PCDH15: variants seen among roughly 807,000 people sequenced by gnomAD.
The protein encoded by PCDH15 is protocadherin-15.
In PCDH15, 129 loss-of-function variants were observed where a neutral mutation model predicts 178.5. The ratio of observed to expected loss-of-function variants is 0.72; its 90% CI spans 0.63 to 0.84. The LOEUF is 0.84. PCDH15 is among the 40% of genes least tolerant of loss of function. PCDH15 has a pLI of 0.00. For synonymous variants in PCDH15, 800 were observed against 732.0 expected (o/e 1.09, Z -1.50); for missense variants, 2,230 against 2,099.9 (o/e 1.06, Z -1.21).
chr10:53,968,182 A>T (rs1251905721), intron 21 of PCDH15, among the ~76,000 whole-genome samples: 2 of 152,198 alleles, frequency 1.3e-5, no homozygotes, highest in African/African-American at 4.8e-5. Context: ...CAGTCTTAGC[A>T]AACGGCCCAC....
intron 2 of PCDH15, among the ~76,000 whole-genome samples, chr10:55,383,637 T>A (rs1837588504): frequency 6.6e-6 from 1 of 152,198 alleles, no homozygotes; most frequent in Non-Finnish European, 1.5e-5. Flanking sequence ...CATGTTGTCA[T>A]TGGCTCTGAA....
chr10:54,862,096 C>T (rs1179639326), intron 3 of PCDH15, among the ~76,000 whole-genome samples: 1 of 152,098 alleles, frequency 6.6e-6, no homozygotes, highest in African/African-American at 2.4e-5. Flanking sequence ...ATAATAATTA[C>T]ATCATAGTTA....
chr10:53,961,923 T>C (rs1307291752), intron 21 of PCDH15, 31 bp from the exon 22 acceptor site: 36 of 1,564,168 alleles, frequency 2.3e-5, no homozygotes, highest in Non-Finnish European at 3.2e-5. Context: ...ATTAATTTGC[T>C]GTTACCAAGT....
At chr10:55,336,712 A>T (rs1844406253) in intron 2 of PCDH15, among the ~76,000 whole-genome samples, 1 of 152,068 alleles carries the variant, frequency 6.6e-6, no homozygotes, top group African/African-American at 2.4e-5. Context: ...CCCATTTATT[A>T]CTATTAGATC....
intron 1 of PCDH15, among the ~76,000 whole-genome samples, chr10:54,746,250 T>A (rs1036286697): frequency 6.6e-6 from 1 of 152,106 alleles, no homozygotes; most frequent in African/African-American, 2.4e-5. Flanking sequence ...GCCAAAAATG[T>A]TTCTAAGCAC....
chr10:54,734,989 A>G (rs1008635274), intron 1 of PCDH15, among the ~76,000 whole-genome samples: 5 of 151,988 alleles, frequency 3.3e-5, no homozygotes, highest in African/African-American at 9.7e-5. Flanking sequence ...TTCATACCCT[A>G]AAGTGTGAAT....
intron 13 of PCDH15, 61 bp downstream of exon 13, chr10:54,183,383 T>C (rs2048184510): frequency 7.0e-7 from 1 of 1,430,592 alleles, no homozygotes; most frequent in South Asian, 1.1e-5. Flanking sequence ...CATGAGCATA[T>C]CGTATAATGC....
chr10:54,317,554 C>A, intron 7 of PCDH15, 113 bp from the exon 8 acceptor site: 8 of 1,185,260 alleles, frequency 6.7e-6, no homozygotes, highest in Non-Finnish European at 1.0e-5. Flanking sequence ...GTGGGTGGAT[C>A]ACTTGAGGTC....
At chr10:54,483,550 T>C (rs1367105140) in intron 3 of PCDH15, among the ~76,000 whole-genome samples, 1 of 151,802 alleles carries the variant, frequency 6.6e-6, no homozygotes, top group East Asian at 1.9e-4. Flanking sequence ...AGTGAGGTCA[T>C]AGTGTAATGG....
At chr10:55,369,240 C>T (rs1007776164) in intron 2 of PCDH15, among the ~76,000 whole-genome samples, 5 of 151,926 alleles carry the variant, frequency 3.3e-5, no homozygotes, top group Non-Finnish European at 7.4e-5. Flanking sequence ...TCAGCTAAAA[C>T]ATAAAATTGT....
intron 2 of PCDH15, among the ~76,000 whole-genome samples, chr10:55,336,124 GAAAAAAAAAAAAAA>G (rs748988261): frequency 2.0e-4 from 12 of 59,292 alleles, no homozygotes; most frequent in Non-Finnish European, 2.5e-4. Flanking sequence ...CTTGGTATTT[GAAAAAAAAAAAAAA>G]AAAAAAAAAA....
intron 2 of PCDH15, among the ~76,000 whole-genome samples, chr10:55,483,832 A>G (rs1840238121): frequency 6.7e-6 from 1 of 150,054 alleles, no homozygotes; most frequent in Non-Finnish European, 1.5e-5. Flanking sequence ...AAAAAAAAAA[A>G]GACACATGGA....
intron 2 of PCDH15, among the ~76,000 whole-genome samples, chr10:55,443,167 G>A (rs1187545523): frequency 6.6e-6 from 1 of 151,978 alleles, no homozygotes; most frequent in Non-Finnish European, 1.5e-5. Flanking sequence ...TTAAACATAA[G>A]ACCTAAAACC....
intron 2 of PCDH15, among the ~76,000 whole-genome samples, chr10:55,141,741 A>C (rs1838358323): frequency 6.6e-6 from 1 of 152,122 alleles, no homozygotes. Flanking sequence ...ACATTAAAGG[A>C]AAAGACAGAT....
chr10:55,523,051 A>T (rs1841221177), intron 2 of PCDH15, among the ~76,000 whole-genome samples: 1 of 151,722 alleles, frequency 6.6e-6, no homozygotes, highest in South Asian at 2.1e-4. Context: ...ACTGATAACA[A>T]CTTCAACTTT....
At chr10:55,046,327 C>T (rs1841004913) in intron 2 of PCDH15, among the ~76,000 whole-genome samples, 1 of 151,896 alleles carries the variant, frequency 6.6e-6, no homozygotes, top group Non-Finnish European at 1.5e-5. Flanking sequence ...ACAGATATTT[C>T]ACAAATCCCA....
chr10:54,722,897 A>G (rs1941874025), intron 1 of PCDH15, among the ~76,000 whole-genome samples: 1 of 151,838 alleles, frequency 6.6e-6, no homozygotes, highest in Non-Finnish European at 1.5e-5. Context: ...ATTATACATG[A>G]CAAAAACAAA....
intron 26 of PCDH15, among the ~76,000 whole-genome samples, chr10:53,890,194 G>A (rs1439165842): frequency 2.0e-5 from 3 of 152,186 alleles, no homozygotes; most frequent in Admixed American, 6.5e-5. Flanking sequence ...TTGGAAGGCC[G>A]ATGCAGGCGG....
At chr10:54,403,528 G>A (rs933893047) in intron 3 of PCDH15, among the ~76,000 whole-genome samples, 2 of 151,774 alleles carry the variant, frequency 1.3e-5, no homozygotes, top group African/African-American at 4.8e-5. Context: ...CTTGAAAACC[G>A]GCACAGGACA....
Sources: gnomAD v4.1 joint callset for allele counts (sites outside exome capture counted in the v4.1 genomes callset) on GRCh38, gnomAD v4.1.1 for gene constraint, MANE v1.5 for transcripts, NCBI Gene and HGNC (gene_info 2026-07-23, HGNC 2026-07-21) for gene names.